FAM221A: variants seen among roughly 807,000 people sequenced by gnomAD.
FAM221A encodes family with sequence similarity 221 member A.
Under a neutral mutation model 37.6 loss-of-function variants are expected in FAM221A, and 43 were observed. That is an observed-to-expected ratio of 1.15 (90% CI 0.90 to 1.48). FAM221A has a LOEUF of 1.48. Ranked by LOEUF, FAM221A falls within the 40% of genes most tolerant of loss-of-function variation. The pLI is 0.00. For synonymous variants in FAM221A, 135 were observed against 132.9 expected, an observed-to-expected ratio of 1.02 and a Z score of -0.11; for missense variants, 361 against 361.5, an observed-to-expected ratio of 1.00 and a Z score of 0.01.
At chr7:23,684,412 T>A in intron 1 of FAM221A, 87 bp from the exon 2 acceptor site, 3 of 755,180 alleles carry the variant, frequency 4.0e-6, no homozygotes, top group Non-Finnish European at 5.9e-6. Context: ...AGCTTACAAA[T>A]TTATTTAATA....
At chr7:23,680,795 T>G (rs971358039) in intron 1 of FAM221A, 1 of 152,796 alleles carries the variant, frequency 6.5e-6, no homozygotes, top group African/African-American at 2.4e-5. Context: ...ACGCGGTTCA[T>G]TGTCCTGGAT....
At position 23,702,315 on chromosome 7, in the gene FAM221A, C is replaced by T; in HGVS notation, c.*151C>T. 2.2e-6 allele frequency: 1 copy of T among 461,224 alleles called. No homozygotes were observed. Among genetic ancestry groups the T allele is most frequent in the Non-Finnish European group, 3.8e-6 (1 of 263,394 alleles). The allele number at this position is 461,224 out of a possible 1,614,324, so 28.6% of individuals were successfully genotyped here. On this transcript the variant is annotated 3_prime_UTR_variant, in exon 7 of 7. Coordinates refer to ENST00000344962, the MANE Select transcript of FAM221A (RefSeq NM_199136.5). ...ATGTTTCCTTAATTTATTTAAATAA[C>T]TAAAAATGCCTATTACTTTTGTCAA...
chr7:23,699,535 C>CTTTTT (rs57930152), intron 5 of FAM221A, among the ~76,000 whole-genome samples: 29 of 64,196 alleles, frequency 4.5e-4, no homozygotes, highest in East Asian at 1.2e-3. Flanking sequence ...TCACCTTTTC[C>CTTTTT]TTTTTTTTTT....
At chr7:23,693,309 A>G (rs889120421) in intron 4 of FAM221A, 2 of 152,180 alleles carry the variant, frequency 1.3e-5, no homozygotes, top group Non-Finnish European at 2.9e-5. Context: ...CATTTAGGCT[A>G]ATCATTGATA....
At chr7:23,699,395 A>C (rs1785263361) in intron 5 of FAM221A, among the ~76,000 whole-genome samples, 1 of 152,016 alleles carries the variant, frequency 6.6e-6, no homozygotes, top group Non-Finnish European at 1.5e-5. Context: ...CACTAGGATT[A>C]TAGCTATGTG....
chr7:23,690,200 T>TATATATATATATATATATA (rs1491098232), intron 3 of FAM221A, among the ~76,000 whole-genome samples: 44 of 18,604 alleles, frequency 2.4e-3, no homozygotes, highest in Non-Finnish European at 3.0e-3. Flanking sequence ...TATATATATA[T>TATATATATATATATATATA]TTTTTTTTTT....
chr7:23,700,647 G>A, intron 5 of FAM221A, 139 bp from the exon 6 acceptor site: 1 of 579,216 alleles, frequency 1.7e-6, no homozygotes, highest in South Asian at 2.4e-5. Flanking sequence ...TGAGGTAGTA[G>A]GACCAATTAT....
Position 23,698,301 on chromosome 7 carries a change from TA to T in FAM221A, c.745+4del. 6.7e-7 allele frequency: 1 copy of T among 1,496,646 alleles called. No homozygotes were observed. The highest frequency in any genetic ancestry group is 9.2e-7 in the Non-Finnish European group (1 of 1,088,314). 92.7% of individuals were successfully genotyped at this position (1,496,646 alleles called of 1,614,324 possible). A position where few individuals can be genotyped will look rare whatever the true frequency, so the allele number is the denominator to read the frequency against. Reference sequence around the variant, plus strand: ...CTTCTCCAGAAACGTTAACAGATGGTAATGAAATGAAGTTTAGAACTGTTTT... The same window carrying T: ...CTTCTCCAGAAACGTTAACAGATGGTATGAAATGAAGTTTAGAACTGTTTT... On this transcript the variant is annotated splice_donor_region_variant and intron_variant, in intron 5 of 6. Transcript: ENST00000344962.
At chr7:23,682,371 A>G (rs1489203752) in intron 1 of FAM221A, among the ~76,000 whole-genome samples, 19 of 138,128 alleles carry the variant, frequency 1.4e-4, no homozygotes, top group Admixed American at 4.4e-4. Context: ...TGGCTTTATC[A>G]TGTGTGTGTG....
intron 6 of FAM221A, among the ~76,000 whole-genome samples, chr7:23,701,236 CTCTTT>C (rs1785415838): frequency 2.7e-5 from 2 of 72,744 alleles, no homozygotes; most frequent in Non-Finnish European, 6.0e-5. Flanking sequence ...ATTTTGAATT[CTCTTT>C]TTTTTTTTTT....
chr7:23,689,352 G>T lies in FAM221A; in HGVS notation c.323G>T (p.Cys108Phe). 1 of 1,607,238 alleles carries T rather than the reference G, an allele frequency of 6.2e-7. No homozygotes were observed. Among genetic ancestry groups the T allele is most frequent in the Non-Finnish European group, 8.5e-7 (1 of 1,174,822 alleles). Residue 108 changes from cysteine (C) to phenylalanine (F), a missense_variant, in exon 3 of 7, where the codon TGC (cysteine) becomes TTC (phenylalanine). By Grantham distance (205) the Cys-to-Phe change is radical. Transcript: ENST00000344962. ...CCCTGCCAAGTGACTGGCTGCCAGT[G>T]CAGGGCTTACCTTTATGTCCCCTTG... ...DLPCQVTGCQ[C>F]RAYLYVPLNG...
Position 23,700,812 on chromosome 7 carries a change from T to C in FAM221A, c.772T>C (p.Leu258=). ...DVGTSSQVSS[L]RRPEEDDMAF... ...AGGTACAAGTAGTCAAGTTTCTTCA[T>C]TAAGGAGACCTGAAGAGGATGATAT... is the stretch of plus-strand genomic sequence containing the variant. Residue 258 remains leucine, a synonymous_variant, in exon 6 of 7, where the codon TTA becomes CTA. Transcript: ENST00000344962. 1 of 1,607,952 alleles carries C rather than the reference T, an allele frequency of 6.2e-7. No homozygotes were observed. The highest frequency in any genetic ancestry group is 2.2e-5 in the East Asian group (1 of 44,620).
At chr7:23,687,294 G>A (rs1016823687) in intron 2 of FAM221A, 1 of 152,204 alleles carries the variant, frequency 6.6e-6, no homozygotes, top group African/African-American at 2.4e-5. Context: ...CAGGTTAGAA[G>A]GGGAAACTCT....
chr7:23,691,609 A>G lies in FAM221A; in HGVS notation c.637+13A>G. On this transcript the variant is annotated intron_variant, in intron 4 of 6. Coordinates refer to ENST00000344962, the MANE Select transcript of FAM221A (RefSeq NM_199136.5). The stretch of plus-strand genomic sequence containing the variant: ...GACAGTGGGATTGGTAAGTGATACT[A>G]TATGAAATGTGAGCCCATTGTATTG... 1.2e-6 allele frequency: 2 copies of G among 1,609,318 alleles called. No homozygotes were observed. Among genetic ancestry groups the G allele is most frequent in the Non-Finnish European group, 1.7e-6 (2 of 1,175,638 alleles).
At chr7:23,690,198 T>C (rs1325983944) in intron 3 of FAM221A, among the ~76,000 whole-genome samples, 1 of 34,728 alleles carries the variant, frequency 2.9e-5, no homozygotes, top group Non-Finnish European at 6.3e-5. Context: ...TATATATATA[T>C]ATTTTTTTTT....
At chr7:23,685,572 A>G (rs993026867) in intron 2 of FAM221A, among the ~76,000 whole-genome samples, 2 of 152,234 alleles carry the variant, frequency 1.3e-5, no homozygotes, top group Non-Finnish European at 2.9e-5. Flanking sequence ...CACACTGATC[A>G]TGCTGTCCAT....
chr7:23,690,516 T>C (rs61423536), intron 3 of FAM221A, among the ~76,000 whole-genome samples: 1 of 152,054 alleles, frequency 6.6e-6, no homozygotes, highest in African/African-American at 2.4e-5. Context: ...TTCCCATATA[T>C]GTTTGTCAGA....
intron 5 of FAM221A, among the ~76,000 whole-genome samples, chr7:23,699,239 T>G (rs1785248643): frequency 2.0e-5 from 3 of 151,560 alleles, no homozygotes; most frequent in Non-Finnish European, 4.4e-5. Context: ...TGCCTCAGCC[T>G]TCCACATAGC....
At chr7:23,682,169 G>A (rs1006953560) in intron 1 of FAM221A, among the ~76,000 whole-genome samples, 8 of 150,528 alleles carry the variant, frequency 5.3e-5, no homozygotes, top group African/African-American at 1.2e-4. Flanking sequence ...GAGCTGAAGC[G>A]ACTCTCTCTT....
Sources: gnomAD v4.1 joint callset for allele counts (sites outside exome capture counted in the v4.1 genomes callset) on GRCh38, gnomAD v4.1.1 for gene constraint, MANE v1.5 for transcripts, NCBI Gene and HGNC (gene_info 2026-07-23, HGNC 2026-07-21) for gene names.